RBFOX1: variants seen among roughly 807,000 people sequenced by gnomAD.
RBFOX1 encodes RNA binding protein fox-1 homolog 1.
In RBFOX1, 8 loss-of-function variants were observed where a neutral mutation model predicts 57.7. That is an observed-to-expected ratio of 0.14 (90% CI 0.08 to 0.25). RBFOX1 has a LOEUF of 0.25. Among genes scored for constraint, RBFOX1 ranks in the 10% least tolerant of loss-of-function variants. The pLI is 1.00. For missense variants in RBFOX1, 611 were observed against 548.5 expected (o/e 1.11, Z -1.14); for synonymous variants, 326 against 222.4 (o/e 1.47, Z -4.15).
intron 4 of RBFOX1, among the ~76,000 whole-genome samples, chr16:7,233,099 T>C (rs2103404): frequency 0.67 from 101,573 of 151,940 alleles, 35,631 homozygotes; most frequent in East Asian, 0.96. Flanking sequence ...TCTCACAATG[T>C]ACATAGGATG....
At chr16:7,334,613 C>G (rs892576936) in intron 4 of RBFOX1, among the ~76,000 whole-genome samples, 2 of 152,160 alleles carry the variant, frequency 1.3e-5, no homozygotes, top group East Asian at 1.9e-4. Flanking sequence ...ACGGCACCCA[C>G]TGAAATGGGT....
intron 14 of RBFOX1, among the ~76,000 whole-genome samples, chr16:7,701,797 G>C (rs2080823633): frequency 6.6e-6 from 1 of 152,182 alleles, no homozygotes; most frequent in Non-Finnish European, 1.5e-5. Context: ...CTGAAGTCCA[G>C]AACTCAGTTG....
rs534514518 is a variant in RBFOX1, at chr16:6,141,004, G to A, written c.-127+121012G>A. Among the ~76,000 whole-genome samples, 8 of 152,290 alleles carry A rather than the reference G, an allele frequency of 5.3e-5. No homozygotes were observed. The South Asian group carries it at 1.7e-3, about 32-fold the overall frequency. ...GTCAGAGGACACTGACCCACACTGT[G>A]ACTTGACTCTCTGCCCTCCCACATT... is the stretch of plus-strand genomic sequence containing the variant. On this transcript the variant is annotated intron_variant, in intron 1 of 15. Transcript: ENST00000550418.
chr16:7,170,975 A>G (rs939846299), intron 4 of RBFOX1, among the ~76,000 whole-genome samples: 28 of 152,186 alleles, frequency 1.8e-4, no homozygotes, highest in African/African-American at 6.3e-4. Flanking sequence ...AGGTGATCCT[A>G]AAACACACAC....
At chr16:7,642,568 G>A (rs1476658183) in intron 11 of RBFOX1, among the ~76,000 whole-genome samples, 3 of 152,172 alleles carry the variant, frequency 2.0e-5, no homozygotes, top group African/African-American at 7.2e-5. Context: ...TTTCCTACCT[G>A]GAGAGGCAAT....
chr16:5,317,945 A>G (rs1171295772), intron 1 of RBFOX1, among the ~76,000 whole-genome samples: 1 of 152,048 alleles, frequency 6.6e-6, no homozygotes, highest in Admixed American at 6.5e-5. Context: ...CCCTGTTCCT[A>G]GTGTCTGGTA....
At chr16:5,844,290 G>A (rs1242400259) in intron 3 of RBFOX1, among the ~76,000 whole-genome samples, 4 of 152,162 alleles carry the variant, frequency 2.6e-5, no homozygotes, top group Non-Finnish European at 5.9e-5. Context: ...GAGCAAAACT[G>A]CCGGCAAGAA....
intron 3 of RBFOX1, among the ~76,000 whole-genome samples, chr16:6,820,150 G>C (rs932638879): frequency 1.3e-5 from 2 of 152,234 alleles, no homozygotes; most frequent in East Asian, 3.9e-4. Context: ...TCTCTTGCCT[G>C]CCGCCATATA....
chr16:6,729,126 T>G (rs5006209), intron 3 of RBFOX1, among the ~76,000 whole-genome samples: 2 of 152,208 alleles, frequency 1.3e-5, no homozygotes, highest in East Asian at 1.9e-4. Flanking sequence ...TAAGGAGTTT[T>G]GTTCTTTATA....
intron 3 of RBFOX1, among the ~76,000 whole-genome samples, chr16:5,813,540 T>A (rs1215784451): frequency 6.6e-6 from 1 of 152,238 alleles, no homozygotes; most frequent in Admixed American, 6.5e-5. Context: ...CCATGCTCAC[T>A]GCAAGAAGCC....
chr16:6,127,501 C>T (rs533303770), intron 1 of RBFOX1, among the ~76,000 whole-genome samples: 4 of 152,134 alleles, frequency 2.6e-5, no homozygotes, highest in East Asian at 1.9e-4. Context: ...CTTAGAAACA[C>T]GTAGCTTTGA....
intron 3 of RBFOX1, among the ~76,000 whole-genome samples, chr16:5,730,633 C>G (rs940809138): frequency 6.6e-6 from 1 of 152,136 alleles, no homozygotes; most frequent in Non-Finnish European, 1.5e-5. Flanking sequence ...TCACCATCAT[C>G]ATCACTACCA....
chr16:5,603,732 T>G (rs1174956242), downstream of RBFOX1, among the ~76,000 whole-genome samples: 1 of 152,166 alleles, frequency 6.6e-6, no homozygotes, highest in Non-Finnish European at 1.5e-5. Context: ...ATACCTGTCT[T>G]TAAACATTGC....
chr16:5,404,268 A>G (rs756300760), intron 1 of RBFOX1, among the ~76,000 whole-genome samples: 1 of 152,166 alleles, frequency 6.6e-6, no homozygotes, highest in Non-Finnish European at 1.5e-5. Context: ...ATGTAATACA[A>G]TTGCACGTGT....
chr16:7,091,944 C>T (rs905110609), intron 4 of RBFOX1, among the ~76,000 whole-genome samples: 2 of 152,178 alleles, frequency 1.3e-5, no homozygotes, highest in Non-Finnish European at 2.9e-5. Flanking sequence ...ACAGAAACAA[C>T]ATCTGCCCAT....
At chr16:7,181,106 A>G (rs1413432672) in intron 4 of RBFOX1, among the ~76,000 whole-genome samples, 1 of 152,198 alleles carries the variant, frequency 6.6e-6, no homozygotes, top group Non-Finnish European at 1.5e-5. Context: ...TCAAGGAATG[A>G]CCAGGGATTT....
At chr16:6,267,234 G>C (rs1037577447) in intron 1 of RBFOX1, among the ~76,000 whole-genome samples, 2 of 151,994 alleles carry the variant, frequency 1.3e-5, no homozygotes, top group African/African-American at 4.8e-5. Context: ...TGGAGTATAT[G>C]GGCAGAAAAA....
chr16:7,070,377 G>C (rs957070762), intron 4 of RBFOX1, among the ~76,000 whole-genome samples: 1 of 152,176 alleles, frequency 6.6e-6, no homozygotes, highest in African/African-American at 2.4e-5. Context: ...GTCTGCCTCA[G>C]ATGCACCCAC....
At chr16:7,495,445 C>G (rs1159934755) in intron 4 of RBFOX1, among the ~76,000 whole-genome samples, 1 of 152,196 alleles carries the variant, frequency 6.6e-6, no homozygotes, top group Non-Finnish European at 1.5e-5. Context: ...AAAAGTGTAT[C>G]AGCCATCCTT....
Sources: allele counts gnomAD v4.1 joint callset (sites outside exome capture counted in the v4.1 genomes callset), GRCh38; gene constraint gnomAD v4.1.1; transcripts MANE v1.5; gene names NCBI Gene and HGNC (gene_info 2026-07-23, HGNC 2026-07-21).